The following PKD1 variants were observed in gnomAD, a reference collection of about 807,000 sequenced individuals.
PKD1 encodes the protein polycystin 1, transient receptor potential channel interacting.
In PKD1, 81 loss-of-function variants were observed where a neutral mutation model predicts 361.7. The ratio of observed to expected loss-of-function variants is 0.22; its 90% CI spans 0.19 to 0.27. PKD1 has a LOEUF of 0.27. Ranked by LOEUF, PKD1 falls within the 10% of genes least tolerant of loss-of-function variation. The probability of loss-of-function intolerance (pLI) is 1.00; values close to 1 mark genes in which losing one functional copy is unlikely to be tolerated. For missense variants in PKD1, 6,399 were observed against 6,118.3 expected, an observed-to-expected ratio of 1.05 and a Z score of -1.53; for synonymous variants, 3,615 against 2,818.3, an observed-to-expected ratio of 1.28 and a Z score of -8.95.
At position 2,109,903 on chromosome 16, in the gene PKD1, T is replaced by G; in HGVS notation, c.5264A>C (p.Glu1755Ala). The G allele has an allele frequency of 6.2e-7, 1 of 1,610,502 alleles. No homozygotes were observed. Among genetic ancestry groups the G allele is most frequent in the African/African-American group, 1.3e-5 (1 of 74,932 alleles). ...GGAGGTCTCCCAGCTCAGCCCCTCC[T>G]CCAAGGACCAAGTGTATACGACACC... Reference protein sequence around the residue: ...GSGVVYTWSLEEGLSWETSEP... With the variant: ...GSGVVYTWSLAEGLSWETSEP... The change falls in exon 15 of 46, where the codon GAG (glutamate) becomes GCG (alanine). Residue 1755 changes from glutamate to alanine, a missense_variant. Glu to Ala is a moderately radical substitution (Grantham distance 107, BLOSUM62 -1). Coordinates refer to ENST00000262304, the MANE Select transcript of PKD1 (RefSeq NM_001009944.3).
chr16:2,117,458 C>T lies in PKD1; in HGVS notation c.1385+31G>A, dbSNP rs1337139696. 5.0e-6 allele frequency: 7 copies of T among 1,394,826 alleles called. No individual in the cohort carries two copies. In the East Asian group the frequency reaches 1.7e-4, roughly 35 times the overall value. 86.4% of individuals were successfully genotyped at this position (1,394,826 alleles called of 1,614,324 possible). On this transcript the variant is annotated intron_variant, in intron 6 of 45. Transcript: ENST00000262304. ...CCCAGTGCTTCAGAGATCTCCCAAC[C>T]TATGGCCCCTCGGGGGGTGGGGGCA...
At position 2,110,888 on chromosome 16, in the gene PKD1, T is replaced by G. The variant is rs2092484374; in HGVS notation, c.4279A>C (p.Arg1427=). 4.3e-6 allele frequency: 7 copies of G among 1,611,452 alleles called. No individual in the cohort carries two copies. The highest frequency in any genetic ancestry group is 2.2e-5 in the South Asian group (2 of 91,024). The change falls in exon 15 of 46, where the codon AGG becomes CGG. Residue 1427 remains arginine, a synonymous_variant. Coordinates refer to ENST00000262304, the MANE Select transcript of PKD1 (RefSeq NM_001009944.3). The part of the protein sequence containing the change: ...GTEEAAPTRA[R]GPEVTFIYRD... ...TAGATGAACGTCACCTCAGGGCCCC[T>G]GGCACGGGTGGGGGCGGCTTCCTCG...
In PKD1 at chr16:2,104,637, G is replaced by A. The variant is rs1410101116; in HGVS notation, c.8022C>T (p.Pro2674=). The A allele has an allele frequency of 1.3e-6, 2 of 1,527,736 alleles. No individual in the cohort carries two copies. Among genetic ancestry groups the A allele is most frequent in the East Asian group, 4.6e-5 (2 of 43,508 alleles). The allele number at this position is 1,527,736 out of a possible 1,614,324, so 94.6% of individuals were successfully genotyped here. Reference sequence around the variant, plus strand: ...ACGAGCGGCATACGAGCTCCCTGCTGGGCCCCTGTGTGGAGCCAGCAGTGT... The same window carrying A: ...ACGAGCGGCATACGAGCTCCCTGCTAGGCCCCTGTGTGGAGCCAGCAGTGT... ...IAAALAQCMG[P]SRELVCRSCL... Residue 2674 remains proline (P), a synonymous_variant, in exon 22 of 46, where the codon CCC becomes CCT. Coordinates refer to ENST00000262304, the MANE Select transcript of PKD1 (RefSeq NM_001009944.3).
chr16:2,089,435 A>C lies in PKD1; in HGVS notation c.*292T>G. On this transcript the variant is annotated 3_prime_UTR_variant, in exon 46 of 46. Coordinates refer to ENST00000262304, the MANE Select transcript of PKD1 (RefSeq NM_001009944.3). ...ATCTGCCCAGGGGGTGGGGCCGGGCACAGCCCGCTGTACCTGAGGACTCGG... is the reference window on the plus strand; with the variant it reads ...ATCTGCCCAGGGGGTGGGGCCGGGCCCAGCCCGCTGTACCTGAGGACTCGG... 1 of 488,472 alleles carries C rather than the reference A, an allele frequency of 2.0e-6. No individual in the cohort carries two copies. Among genetic ancestry groups the C allele is most frequent in the Non-Finnish European group, 3.7e-6 (1 of 269,366 alleles). 30.3% of individuals were successfully genotyped at this position (488,472 alleles called of 1,614,324 possible). A position where few individuals can be genotyped will look rare whatever the true frequency, so the allele number is the denominator to read the frequency against.
intron 1 of PKD1, among the ~76,000 whole-genome samples, chr16:2,123,015 A>G (rs1196418386): frequency 2.0e-5 from 3 of 152,206 alleles, no homozygotes; most frequent in Admixed American, 1.3e-4. Context: ...GGAGCTGACA[A>G]GCCAGGGCAG....
chr16:2,104,676 T>A, intron 21 of PKD1, 34 bp from the exon 22 acceptor site: 1 of 1,295,566 alleles, frequency 7.7e-7, no homozygotes, highest in Non-Finnish European at 1.1e-6. Context: ...GCCCCGCTCC[T>A]GGCCCCACTC....
rs145990587 is a variant in PKD1 at position 2,110,457 on chromosome 16, C to T, written c.4710G>A (p.Thr1570=). 264 of 1,612,560 alleles carry T rather than the reference C, an allele frequency of 1.6e-4. 1 individual carries two copies. Among genetic ancestry groups the T allele is most frequent in the African/African-American group, 9.3e-5 (7 of 75,048 alleles). Residue 1570 remains threonine, a synonymous_variant, in exon 15 of 46, where the codon ACG becomes ACA. Transcript: ENST00000262304. ...VPLNGSVSFS[T]SLEAGSDVRY... ...GCACATCACTGCCGGCCTCCAGCGA[C>T]GTGCTGAAGCTCACGCTCCCATTCA...
intron 10 of PKD1, 48 bp downstream of exon 10, chr16:2,115,330 G>A (rs1402743933): frequency 1.4e-6 from 2 of 1,441,772 alleles, no homozygotes; most frequent in African/African-American, 2.8e-5. Flanking sequence ...CAGACAGGAA[G>A]GTGGCCTGAG....
chr16:2,112,152 C>T (rs545871060), intron 14 of PKD1, among the ~76,000 whole-genome samples, 188 bp downstream of exon 14: 1 of 152,290 alleles, frequency 6.6e-6, no homozygotes, highest in Admixed American at 6.5e-5. Context: ...TTCAGGGGCC[C>T]AGCTTCCCTG....
At chr16:2,092,387 C>A in intron 39 of PKD1, 93 bp downstream of exon 39, 1 of 1,015,594 alleles carries the variant, frequency 9.8e-7, no homozygotes, top group Admixed American at 2.0e-5. Flanking sequence ...GGTCACACAG[C>A]TAGGGAGCAG....
rs1253412691 is a variant in PKD1, at chr16:2,100,599, G to A, written c.9398-33C>T. 6.3e-7 allele frequency: 1 copy of A among 1,589,704 alleles called. No individual in the cohort carries two copies. The highest frequency in any genetic ancestry group is 8.6e-7 in the Non-Finnish European group (1 of 1,165,098). ...GCAAGAGGGAGGGGTGGGAGGCTCG[G>A]TCTGCTGCCCAACACGTGTGGCATC... is the stretch of plus-strand genomic sequence containing the variant. On this transcript the variant is annotated intron_variant, in intron 26 of 45. Transcript: ENST00000262304. This position sits in a 1 kb window ranked among gnomAD's most constrained non-coding sequence, Gnocchi z 4.4.
rs1299302680 is a variant in PKD1 at position 2,108,515 on chromosome 16, G to A, written c.6652C>T (p.Leu2218=). ...CCCACAGGCAGCGCCAGCCGCGGCA[G>A]CACCAGCCGAGGCCGGCTCACGTCC... The part of the protein sequence containing the change: ...GVDVSRPRLV[L]PRLALPVGHY... Residue 2218 remains leucine (L), a synonymous_variant, in exon 15 of 46, where the codon CTG becomes TTG. Transcript: ENST00000262304. 7 of 1,608,484 alleles carry A rather than the reference G, an allele frequency of 4.4e-6. No individual in the cohort carries two copies. The highest frequency in any genetic ancestry group is 1.7e-5 in the Admixed American group (1 of 59,968).
At position 2,108,440 on chromosome 16, in the gene PKD1, G is replaced by A. The variant is rs1567191609; in HGVS notation, c.6727C>T (p.Gln2243Ter). 6.2e-7 allele frequency: 1 copy of A among 1,610,540 alleles called. No individual in the cohort carries two copies. The highest frequency in any genetic ancestry group is 8.5e-7 in the Non-Finnish European group (1 of 1,179,726). Reference sequence around the variant, plus strand: ...ACCGTCACATTGGCCTGGATGCTCTGTGTCAGTGGCGTGTCCCCAAATGAC... The same window carrying A: ...ACCGTCACATTGGCCTGGATGCTCTATGTCAGTGGCGTGTCCCCAAATGAC... ...VVSFGDTPLT[Q>*]SIQANVTVAP... is the part of the protein sequence containing the mutation. Residue 2243 changes from glutamine to a stop codon, truncating the protein, a stop_gained, in exon 15 of 46, where the codon CAG becomes TAG. Coordinates refer to ENST00000262304, the MANE Select transcript of PKD1 (RefSeq NM_001009944.3). LOFTEE classifies it high-confidence loss of function.
rs1253412691 is a variant in PKD1, at chr16:2,100,599, G to C, written c.9398-33C>G. ...GCAAGAGGGAGGGGTGGGAGGCTCGGTCTGCTGCCCAACACGTGTGGCATC... is the reference window on the plus strand; with the variant it reads ...GCAAGAGGGAGGGGTGGGAGGCTCGCTCTGCTGCCCAACACGTGTGGCATC... On this transcript the variant is annotated intron_variant, in intron 26 of 45. Coordinates refer to ENST00000262304, the MANE Select transcript of PKD1 (RefSeq NM_001009944.3). This position sits in a 1 kb window ranked among gnomAD's most constrained non-coding sequence, Gnocchi z 4.4. 6.3e-7 allele frequency: 1 copy of C among 1,589,828 alleles called. No individual in the cohort carries two copies. The highest frequency in any genetic ancestry group is 1.3e-5 in the African/African-American group (1 of 74,670).
intron 16 of PKD1, chr16:2,107,555 C>T (rs1206138525): frequency 1.6e-5 from 7 of 450,718 alleles, no homozygotes; most frequent in South Asian, 2.1e-5. Flanking sequence ...GGGTGAGAAC[C>T]GGCCCACCAC....
chr16:2,108,193 C>G, intron 15 of PKD1, 59 bp downstream of exon 15: 1 of 1,531,546 alleles, frequency 6.5e-7, no homozygotes, highest in Non-Finnish European at 8.9e-7. Context: ...TGGGTGTTCT[C>G]TGGGCTCATG....
Position 2,109,102 on chromosome 16 carries a change from G to C in PKD1, c.6065C>G (p.Ser2022Trp). 6.2e-7 allele frequency: 1 copy of C among 1,603,182 alleles called. No homozygotes were observed. Among genetic ancestry groups the C allele is most frequent in the Non-Finnish European group, 8.5e-7 (1 of 1,174,034 alleles). The change falls in exon 15 of 46, where the codon TCG (serine) becomes TGG (tryptophan). Residue 2022 changes from serine (S) to tryptophan (W), a missense_variant. Ser to Trp is a radical substitution (Grantham distance 177). Transcript: ENST00000262304. The part of the protein sequence containing the change: ...KVQGDSLVIL[S>W]GRDVTYTPVA... ...GGGCGTGTAGGTGACGTCGCGGCCC[G>C]ACAGGATGACCAGCGAGTCGCCCTG...
At position 2,090,111 on chromosome 16, in the gene PKD1, G is replaced by A; in HGVS notation, c.12528C>T (p.Pro4176=). Residue 4176 remains proline, a synonymous_variant, in exon 46 of 46, where the codon CCC becomes CCT. Transcript: ENST00000262304. ...AGGCATCGGAGCCAGCGCTGGGTGG[G>A]GGCACATCCGGGGATACCTTGGAGC... is the stretch of plus-strand genomic sequence containing the variant. ...SRGSKVSPDV[P]PPSAGSDASH... is the part of the protein sequence containing the mutation. The A allele has an allele frequency of 6.2e-7, 1 of 1,602,480 alleles. No individual in the cohort carries two copies. The highest frequency in any genetic ancestry group is 8.5e-7 in the Non-Finnish European group (1 of 1,173,278).
rs771284663 is a variant in PKD1, at chr16:2,100,572, A to G, written c.9398-6T>C. The stretch of plus-strand genomic sequence containing the variant: ...GCCCACGTGGGCCGTGGTACCTGGG[A>G]GGCAAGAGGGAGGGGTGGGAGGCTC... On this transcript the variant is annotated splice_region_variant and splice_polypyrimidine_tract_variant and intron_variant, in intron 26 of 45. Coordinates refer to ENST00000262304, the MANE Select transcript of PKD1 (RefSeq NM_001009944.3). The surrounding 1 kb of genome is among the most constrained non-coding windows in gnomAD (Gnocchi z 4.4). 11 of 1,608,056 alleles carry G rather than the reference A, an allele frequency of 6.8e-6. No homozygotes were observed. The highest frequency in any genetic ancestry group is 4.0e-5 in the African/African-American group (3 of 74,716).
Sources: gnomAD v4.1 joint callset for allele counts (sites outside exome capture counted in the v4.1 genomes callset) on GRCh38, gnomAD v4.1.1 for gene constraint, Gnocchi (gnomAD v3.1) non-coding constraint, MANE v1.5 for transcripts, NCBI Gene and HGNC (gene_info 2026-07-23, HGNC 2026-07-21) for gene names.